The following SLC30A9 variants were observed in gnomAD, a reference collection of about 807,000 sequenced individuals.
SLC30A9 encodes the protein solute carrier family 30 member 9.
SLC30A9 carries 58 observed loss-of-function variants against 87.5 expected under a neutral mutation model. That is an observed-to-expected ratio of 0.66 (90% CI 0.54 to 0.82). The LOEUF is 0.82. Ranked by LOEUF, SLC30A9 falls within the 40% of genes least tolerant of loss-of-function variation. The pLI is 0.00. For synonymous variants in SLC30A9, 234 were observed against 233.0 expected (o/e 1.00, Z -0.04); for missense variants, 557 against 679.1 (o/e 0.82, Z 2.00).
intron 10 of SLC30A9, among the ~76,000 whole-genome samples, chr4:42,061,165 T>C (rs1717839033): frequency 6.6e-6 from 1 of 152,220 alleles, no homozygotes. Context: ...TAGTCTACTT[T>C]AGTGCTGCCC....
At chr4:42,080,594 T>A (rs984951609) in intron 17 of SLC30A9, among the ~76,000 whole-genome samples, 2 of 152,248 alleles carry the variant, frequency 1.3e-5, no homozygotes, top group African/African-American at 2.4e-5. Flanking sequence ...GCTGACCTTT[T>A]GTCTCTAGCC....
At chr4:42,040,232 G>A (rs1483328392) in intron 8 of SLC30A9, among the ~76,000 whole-genome samples, 1 of 152,162 alleles carries the variant, frequency 6.6e-6, no homozygotes, top group Non-Finnish European at 1.5e-5. Flanking sequence ...GCACCCAGGT[G>A]GAGATAAGTC....
intron 6 of SLC30A9, among the ~76,000 whole-genome samples, chr4:42,033,725 G>A (rs1439267216): frequency 6.6e-6 from 1 of 152,034 alleles, no homozygotes; most frequent in East Asian, 1.9e-4. Flanking sequence ...ATAGGCACAT[G>A]CCACCATGCC....
intron 2 of SLC30A9, among the ~76,000 whole-genome samples, chr4:42,002,519 A>G (rs930068243): frequency 1.3e-5 from 2 of 152,024 alleles, no homozygotes; most frequent in Non-Finnish European, 2.9e-5. Flanking sequence ...AAGTGAGAAT[A>G]TGTGGTACTT....
At chr4:42,027,363 G>A (rs1716239307) in intron 6 of SLC30A9, among the ~76,000 whole-genome samples, 3 of 152,264 alleles carry the variant, frequency 2.0e-5, no homozygotes, top group East Asian at 1.9e-4. Context: ...GACAGAGACT[G>A]CGTGTGGTGC....
chr4:41,991,899 TA>T (rs1714459304), intron 1 of SLC30A9, among the ~76,000 whole-genome samples: 1 of 152,210 alleles, frequency 6.6e-6, no homozygotes, highest in African/African-American at 2.4e-5. Flanking sequence ...TTATTTGCAA[TA>T]AATGTAAAGC....
intron 4 of SLC30A9, chr4:42,020,719 T>C: frequency 2.4e-6 from 1 of 423,336 alleles, no homozygotes; most frequent in Non-Finnish European, 4.1e-6. Flanking sequence ...TTAGCAATTC[T>C]AGTCTTTCTT....
chr4:42,079,172 T>C (rs6447124), intron 17 of SLC30A9, among the ~76,000 whole-genome samples: 148,497 of 152,214 alleles, frequency 0.98, 72,542 homozygotes, highest in East Asian at 1. Flanking sequence ...ATTGCAGACC[T>C]CAAAGAGATT....
intron 15 of SLC30A9, among the ~76,000 whole-genome samples, chr4:42,072,199 T>C (rs1315366956): frequency 6.6e-6 from 1 of 152,220 alleles, no homozygotes; most frequent in African/African-American, 2.4e-5. Flanking sequence ...TTCATTTTCT[T>C]GATCTTTCTA....
chr4:42,064,654 G>C (rs1395561494), intron 11 of SLC30A9, among the ~76,000 whole-genome samples: 3 of 152,168 alleles, frequency 2.0e-5, no homozygotes, highest in African/African-American at 7.2e-5. Flanking sequence ...TCTGTAGTTA[G>C]AGATTAGGTA....
chr4:42,045,005 G>T (rs1340379512), intron 8 of SLC30A9, among the ~76,000 whole-genome samples: 2 of 152,114 alleles, frequency 1.3e-5, no homozygotes, highest in Non-Finnish European at 2.9e-5. Context: ...TAAGTTCCTT[G>T]ACACCAATGA....
At chr4:42,020,751 T>G (rs1050928218) in intron 4 of SLC30A9, 46 of 376,952 alleles carry the variant, frequency 1.2e-4, no homozygotes, top group African/African-American at 9.4e-4. Context: ...CCCACAATGG[T>G]AAATTCTTCA....
chr4:41,996,751 CAGGT>C (rs1448399652), intron 1 of SLC30A9, among the ~76,000 whole-genome samples: 1 of 151,626 alleles, frequency 6.6e-6, no homozygotes, highest in Non-Finnish European at 1.5e-5. Flanking sequence ...CAGAAAAACA[CAGGT>C]GGGTGCGGTG....
intron 1 of SLC30A9, among the ~76,000 whole-genome samples, chr4:41,993,400 T>A (rs899165742): frequency 6.6e-6 from 1 of 152,072 alleles, no homozygotes; most frequent in Non-Finnish European, 1.5e-5. Flanking sequence ...GTAGTTAGAG[T>A]TAGTATCTAA....
At chr4:42,010,683 A>G (rs1238078904) in intron 2 of SLC30A9, among the ~76,000 whole-genome samples, 5 of 152,236 alleles carry the variant, frequency 3.3e-5, no homozygotes, top group Admixed American at 2.6e-4. Flanking sequence ...GAGGTAACTC[A>G]ATGGATAGGC....
intron 2 of SLC30A9, among the ~76,000 whole-genome samples, chr4:42,003,810 C>T (rs1715081914): frequency 6.6e-6 from 1 of 151,938 alleles, no homozygotes; most frequent in Non-Finnish European, 1.5e-5. Flanking sequence ...TATTCTCTTT[C>T]TCTCATTTGA....
chr4:42,038,844 A>G (rs757967251), intron 7 of SLC30A9, 142 bp from the exon 8 acceptor site: 14 of 583,602 alleles, frequency 2.4e-5, no homozygotes, highest in Admixed American at 1.8e-4. Flanking sequence ...CACTTTCTAA[A>G]CAAGAACTTC....
chr4:42,082,642 G>A (rs1422108075), intron 17 of SLC30A9, among the ~76,000 whole-genome samples: 1 of 152,204 alleles, frequency 6.6e-6, no homozygotes, highest in Non-Finnish European at 1.5e-5. Context: ...GAGGTCAGGA[G>A]TTCAAGACCA....
At chr4:42,049,202 G>A (rs938022242) in intron 8 of SLC30A9, among the ~76,000 whole-genome samples, 175 bp from the exon 9 acceptor site, 2 of 152,076 alleles carry the variant, frequency 1.3e-5, no homozygotes, top group African/African-American at 4.8e-5. Flanking sequence ...CTGTCCTCAA[G>A]CCATCCTCCC....
Sources: gnomAD v4.1 joint callset for allele counts (sites outside exome capture counted in the v4.1 genomes callset) on GRCh38, gnomAD v4.1.1 for gene constraint, MANE v1.5 for transcripts, NCBI Gene and HGNC (gene_info 2026-07-23, HGNC 2026-07-21) for gene names.